The following PTPN5 variants were observed in gnomAD, a reference collection of about 807,000 sequenced individuals.
PTPN5 encodes tyrosine-protein phosphatase non-receptor type 5.
PTPN5 carries 29 observed loss-of-function variants against 73.9 expected under a neutral mutation model. The ratio of observed to expected loss-of-function variants is 0.39; its 90% CI spans 0.29 to 0.54. The LOEUF (loss-of-function observed/expected upper bound fraction) is 0.54. Ranked by LOEUF, PTPN5 falls within the 20% of genes least tolerant of loss-of-function variation. The pLI is 0.65. For synonymous variants in PTPN5, 267 were observed against 304.7 expected (o/e 0.88, Z 1.29); for missense variants, 652 against 751.4 (o/e 0.87, Z 1.55).
Position 18,727,941 on chromosome 11 carries a change from A to G in PTPN5, c.*993T>C, listed in dbSNP as rs930104691. The G allele has an allele frequency of 2.0e-5, 3 of 152,616 alleles. No homozygotes were observed. Among genetic ancestry groups the G allele is most frequent in the Non-Finnish European group, 2.9e-5 (2 of 68,032 alleles). The allele number at this position is 152,616 out of a possible 1,614,324, so 9.5% of individuals were successfully genotyped here. On this transcript the variant is annotated 3_prime_UTR_variant, in exon 15 of 15. Coordinates refer to ENST00000358540, the MANE Select transcript of PTPN5 (RefSeq NM_006906.2). ...AGACCCAGGAGGTTAGTTTTGCTCA[A>G]AATGCTCCGTTTATTGCTCTATTCA...
chr11:18,789,244 C>T (rs1332448125), intron 1 of PTPN5, among the ~76,000 whole-genome samples: 1 of 152,192 alleles, frequency 6.6e-6, no homozygotes, highest in Non-Finnish European at 1.5e-5. Context: ...ACTCTACATA[C>T]ATCATTCTTG....
chr11:18,729,128 C>T lies in PTPN5; in HGVS notation c.1605-101G>A. 1 of 1,266,634 alleles carries T rather than the reference C, an allele frequency of 7.9e-7. No individual in the cohort carries two copies. Among genetic ancestry groups the T allele is most frequent in the Admixed American group, 2.0e-5 (1 of 49,844 alleles). 78.5% of individuals were successfully genotyped at this position (1,266,634 alleles called of 1,614,324 possible). On this transcript the variant is annotated intron_variant, in intron 14 of 14. Transcript: ENST00000358540. This position sits in a 1 kb window ranked among gnomAD's most constrained non-coding sequence, Gnocchi z 5.2. ...GTAGCAATCACTTGCCAGGCCTTGC[C>T]CCTGTGCGTCTTGGAGAGACCAACC...
At chr11:18,738,749 G>A (rs762182927) in intron 8 of PTPN5, among the ~76,000 whole-genome samples, 2 of 152,100 alleles carry the variant, frequency 1.3e-5, no homozygotes, top group African/African-American at 4.8e-5. Context: ...CGAGGCAGGC[G>A]GATCACAAAG....
At chr11:18,735,283 G>A (rs368902540) in intron 9 of PTPN5, among the ~76,000 whole-genome samples, 198 of 152,060 alleles carry the variant, frequency 1.3e-3, no homozygotes, top group Middle Eastern at 6.8e-3. Context: ...GGCAGTTCTT[G>A]TGAAGAGGGG....
intron 3 of PTPN5, among the ~76,000 whole-genome samples, chr11:18,755,561 C>T (rs889852945): frequency 4.8e-4 from 51 of 107,358 alleles, no homozygotes; most frequent in African/African-American, 1.5e-3. Flanking sequence ...TTCTGGATAC[C>T]AGGACCCACT....
chr11:18,749,685 TTTCACCTGGGGCACAGGGAAACGCTATGA>T (rs1849797024), intron 3 of PTPN5, among the ~76,000 whole-genome samples: 1 of 152,104 alleles, frequency 6.6e-6, no homozygotes, highest in Non-Finnish European at 1.5e-5. Flanking sequence ...GGCCTTCAGA[TTTCACCTGGGGCACAGGGAAACGCTATGA>T]TCCCTCTCCT....
Position 18,737,918 on chromosome 11 carries a change from C to T in PTPN5, c.962G>A (p.Gly321Glu), listed in dbSNP as rs779832580. 1.1e-4 allele frequency: 173 copies of T among 1,614,030 alleles called. No homozygotes were observed. The highest frequency in any genetic ancestry group is 4.0e-4 in the Admixed American group (24 of 59,998). Reference protein sequence around the residue: ...FVDPKEYDIPGLVRKNRYKTI... With the variant: ...FVDPKEYDIPELVRKNRYKTI... The stretch of plus-strand genomic sequence containing the variant: ...TTTGTACCGGTTCTTCCGCACCAGC[C>T]CAGGGATGTCGTACTCTTTCGGATC... The change falls in exon 9 of 15, where the codon GGG becomes GAG. Residue 321 changes from glycine to glutamate, a missense_variant. Gly to Glu is a moderately conservative substitution (Grantham distance 98). Coordinates refer to ENST00000358540, the MANE Select transcript of PTPN5 (RefSeq NM_006906.2).
At chr11:18,790,355 T>C (rs149615174) in intron 1 of PTPN5, among the ~76,000 whole-genome samples, 1 of 152,136 alleles carries the variant, frequency 6.6e-6, no homozygotes, top group Non-Finnish European at 1.5e-5. Flanking sequence ...GAAGGGTGAC[T>C]GGGAGGGCAT....
chr11:18,733,088 C>T lies in PTPN5; in HGVS notation c.1218+147G>A. On this transcript the variant is annotated intron_variant, in intron 11 of 14. Transcript: ENST00000358540. This position sits in a 1 kb window ranked among gnomAD's most constrained non-coding sequence, Gnocchi z 4.3. ...GTGAAGCCCGGGGCAAATGACTTAA[C>T]CTTACCGAGCCTCACATCTCCTCAT... is the stretch of plus-strand genomic sequence containing the variant. The T allele has an allele frequency of 1.6e-6, 2 of 1,253,450 alleles. No homozygotes were observed. Among genetic ancestry groups the T allele is most frequent in the Admixed American group, 2.3e-5 (1 of 44,380 alleles). 77.6% of individuals were successfully genotyped at this position (1,253,450 alleles called of 1,614,324 possible).
chr11:18,788,231 A>C (rs562637258), intron 1 of PTPN5, among the ~76,000 whole-genome samples: 1 of 152,264 alleles, frequency 6.6e-6, no homozygotes, highest in South Asian at 2.1e-4. Flanking sequence ...AACCATTGTC[A>C]TCATTTCCTA....
At chr11:18,773,958 T>TA (rs1467832986) in intron 1 of PTPN5, among the ~76,000 whole-genome samples, 1 of 152,180 alleles carries the variant, frequency 6.6e-6, no homozygotes, top group East Asian at 1.9e-4. Flanking sequence ...ACCCTTTGCT[T>TA]ACGTTGTCTC....
Position 18,729,849 on chromosome 11 carries a change from ATG to A in PTPN5, c.1330-33_1330-32del. The A allele has an allele frequency of 6.2e-7, 1 of 1,613,956 alleles. No individual in the cohort carries two copies. The highest frequency in any genetic ancestry group is 8.5e-7 in the Non-Finnish European group (1 of 1,179,876). Reference sequence around the variant, plus strand: ...GAGGAGACAGAGGCCCACCCCAGGTATGTGTGAACTCTTTCAGCTCACAAACC... The same window carrying A: ...GAGGAGACAGAGGCCCACCCCAGGTATGTGAACTCTTTCAGCTCACAAACC... On this transcript the variant is annotated intron_variant, in intron 12 of 14. Coordinates refer to ENST00000358540, the MANE Select transcript of PTPN5 (RefSeq NM_006906.2). The surrounding 1 kb of genome is among the most constrained non-coding windows in gnomAD (Gnocchi z 5.2).
Position 18,737,883 on chromosome 11 carries a change from G to C in PTPN5, c.997C>G (p.Pro333Ala), listed in dbSNP as rs1849184443. 1.9e-6 allele frequency: 3 copies of C among 1,613,674 alleles called. No individual in the cohort carries two copies. Among genetic ancestry groups the C allele is most frequent in the Non-Finnish European group, 2.5e-6 (3 of 1,179,644 alleles). ...VRKNRYKTIL[P>A]NPHSRVCLTS... ...CTCTGGGACAGTGAGTACTCACTGG[G>C]AAGTATGGTTTTGTACCGGTTCTTC... Residue 333 changes from proline (P) to alanine (A), a missense_variant, in exon 9 of 15, where the codon CCC becomes GCC. Physicochemically the swap from Pro to Ala is conservative, Grantham distance 27. This residue lies in a region of PTPN5 where 529 missense variants were observed against 573.9 expected (regional missense o/e 0.92). Transcript: ENST00000358540.
chr11:18,769,681 G>A (rs1181136667), intron 2 of PTPN5, among the ~76,000 whole-genome samples: 1 of 152,258 alleles, frequency 6.6e-6, no homozygotes, highest in African/African-American at 2.4e-5. Flanking sequence ...TGGGATTACA[G>A]GCGTGAGCCA....
At chr11:18,782,268 C>A (rs1396321579) in intron 1 of PTPN5, among the ~76,000 whole-genome samples, 1 of 151,792 alleles carries the variant, frequency 6.6e-6, no homozygotes, top group African/African-American at 2.4e-5. Context: ...CGTTCTGTCA[C>A]CCAGGCTTGA....
chr11:18,758,268 T>C (rs899558622), intron 3 of PTPN5, among the ~76,000 whole-genome samples: 1 of 152,176 alleles, frequency 6.6e-6, no homozygotes, highest in Admixed American at 6.5e-5. Context: ...TGGAGTGACA[T>C]TGTGTAACTT....
intron 1 of PTPN5, among the ~76,000 whole-genome samples, chr11:18,773,853 GC>G (rs34989308): frequency 6.6e-6 from 1 of 152,176 alleles, no homozygotes; most frequent in Non-Finnish European, 1.5e-5. Flanking sequence ...GCTGGGGACT[GC>G]CCCCTTGCTG....
intron 5 of PTPN5, 63 bp downstream of exon 5, chr11:18,743,259 A>G: frequency 6.7e-7 from 1 of 1,482,992 alleles, no homozygotes; most frequent in Non-Finnish European, 9.4e-7. Context: ...GAGGTTGGGG[A>G]GGGTGGGACT....
chr11:18,756,693 C>T (rs1007528419), intron 3 of PTPN5, among the ~76,000 whole-genome samples: 1 of 151,762 alleles, frequency 6.6e-6, no homozygotes, highest in African/African-American at 2.4e-5. Context: ...GAGGCCGAGG[C>T]GGGCGGATCA....
Sources: allele counts gnomAD v4.1 joint callset (sites outside exome capture counted in the v4.1 genomes callset), GRCh38; gene constraint gnomAD v4.1.1; regional missense constraint gnomAD v4.1.1; non-coding constraint Gnocchi (gnomAD v3.1); transcripts MANE v1.5; gene names NCBI Gene and HGNC (gene_info 2026-07-23, HGNC 2026-07-21).